The following VEPH1 variants were observed in gnomAD, a reference collection of about 807,000 sequenced individuals.
The protein encoded by VEPH1 is ventricular zone expressed PH domain containing 1.
VEPH1 carries 80 observed loss-of-function variants against 85.2 expected under a neutral mutation model. That is an observed-to-expected ratio of 0.94 (90% confidence interval 0.78 to 1.13). The LOEUF (loss-of-function observed/expected upper bound fraction) is 1.13, where lower values mean the gene tolerates loss of function less well. Ranked by LOEUF, VEPH1 falls within the 50% of genes most tolerant of loss-of-function variation. The pLI is 0.00. For missense variants in VEPH1, 955 were observed against 980.5 expected, an observed-to-expected ratio of 0.97 and a Z score of 0.35; for synonymous variants, 297 against 348.0, an observed-to-expected ratio of 0.85 and a Z score of 1.63.
intron 9 of VEPH1, among the ~76,000 whole-genome samples, chr3:157,322,120 C>G (rs551186894): frequency 6.6e-6 from 1 of 152,250 alleles, no homozygotes; most frequent in South Asian, 2.1e-4. Flanking sequence ...CCATCTTCCT[C>G]TCCCCTGAGC....
rs529253395 is a variant in VEPH1, at chr3:157,417,636, G to T, written c.697-3546C>A. Among the ~76,000 whole-genome samples, 7 of 152,216 alleles carry T rather than the reference G, an allele frequency of 4.6e-5. No individual in the cohort carries two copies. In the East Asian group the frequency reaches 1.4e-3, roughly 29 times the overall value. ...CTCTTCCCCCATGACCCAGCTACAT[G>T]GCACTGATCACTCACAGTGGCTTGA... On this transcript the variant is annotated intron_variant, in intron 5 of 13. Transcript: ENST00000362010.
intron 6 of VEPH1, chr3:157,410,043 T>C (rs1731417902): frequency 3.0e-6 from 2 of 673,520 alleles, no homozygotes; most frequent in South Asian, 6.7e-5. Context: ...CAAAGTTGGA[T>C]TGGCTTTTCT....
rs758021550 is a variant in VEPH1 at position 157,313,673 on chromosome 3, C to A, written c.1958G>T (p.Gly653Val). 6.2e-7 allele frequency: 1 copy of A among 1,614,092 alleles called. No homozygotes were observed. Among genetic ancestry groups the A allele is most frequent in the South Asian group, 1.1e-5 (1 of 91,076 alleles). The change falls in exon 11 of 14, where the codon GGT becomes GTT. Residue 653 changes from glycine to valine, a missense_variant. Gly to Val is a moderately radical substitution (Grantham distance 109). Coordinates refer to ENST00000362010, the MANE Select transcript of VEPH1 (RefSeq NM_001167912.2). ...CATGGCAGTTTCAAAGCTGTGAGCA[C>A]CCCCTGCCTGGGTCTTCTCCCACAG... ...RALWEKTQAG[G>V]AHSFETAMME...
intron 11 of VEPH1, among the ~76,000 whole-genome samples, chr3:157,293,421 C>G (rs1219911825): frequency 9.9e-5 from 15 of 152,222 alleles, no homozygotes; most frequent in Admixed American, 9.8e-4. Context: ...ACTTATACTT[C>G]TATCCTTTGA....
intron 3 of VEPH1, among the ~76,000 whole-genome samples, chr3:157,461,243 A>C (rs981155250): frequency 1.3e-5 from 2 of 152,252 alleles, no homozygotes; most frequent in African/African-American, 4.8e-5. Flanking sequence ...TAGAAAATAC[A>C]AATTGCTTTC....
At chr3:157,297,479 T>G (rs544389998) in intron 11 of VEPH1, among the ~76,000 whole-genome samples, 31 of 152,032 alleles carry the variant, frequency 2.0e-4, no homozygotes, top group Non-Finnish European at 3.2e-4. Context: ...AAAATGTGCA[T>G]GGGTAATGGT....
At position 157,495,872 on chromosome 3, in the gene VEPH1, GAAC is replaced by G. The variant is rs1179554566; in HGVS notation, c.-157-369_-157-367del. 5.3e-5 allele frequency among the ~76,000 whole-genome samples: 8 copies of G among 152,282 alleles called. No homozygotes were observed. The East Asian group carries it at 1.5e-3, about 29-fold the overall frequency. ...CTCATGGGAATCAAACAGAAAGGGA[GAAC>G]AAAAGGAAAAGAGGGAGCATAGGAA... is the stretch of plus-strand genomic sequence containing the variant. On this transcript the variant is annotated intron_variant, in intron 1 of 13. Coordinates refer to ENST00000362010, the MANE Select transcript of VEPH1 (RefSeq NM_001167912.2).
chr3:157,370,066 C>A lies in VEPH1; in HGVS notation c.1128-5554G>T, dbSNP rs371088534. 7.9e-5 allele frequency among the ~76,000 whole-genome samples: 12 copies of A among 152,208 alleles called. No individual in the cohort carries two copies. In the East Asian group the frequency reaches 1.2e-3, roughly 15 times the overall value. On this transcript the variant is annotated intron_variant, in intron 7 of 13. Transcript: ENST00000362010. ...ATATTAACTTGGCCTTAACTCAACA[C>A]ACCACATTACAAGAGGTTCAGATAA...
chr3:157,439,010 A>G (rs1733904205), intron 4 of VEPH1, among the ~76,000 whole-genome samples: 1 of 152,224 alleles, frequency 6.6e-6, no homozygotes, highest in African/African-American at 2.4e-5. Context: ...TAATGAGAGC[A>G]TGTTTCATTT....
intron 6 of VEPH1, among the ~76,000 whole-genome samples, chr3:157,411,536 C>A (rs962013691): frequency 2.0e-5 from 3 of 152,092 alleles, no homozygotes; most frequent in Non-Finnish European, 4.4e-5. Flanking sequence ...GGCACAGGTT[C>A]CCGTAAATCC....
chr3:157,270,533 A>C (rs1714406933), intron 12 of VEPH1, among the ~76,000 whole-genome samples: 2 of 152,298 alleles, frequency 1.3e-5, no homozygotes, highest in South Asian at 4.1e-4. Context: ...CAAGTTAAAA[A>C]TATTTGTTGC....
chr3:157,438,845 A>G (rs1458190628), intron 4 of VEPH1, among the ~76,000 whole-genome samples: 1 of 152,250 alleles, frequency 6.6e-6, no homozygotes, highest in Non-Finnish European at 1.5e-5. Context: ...TGGTGTGACA[A>G]TCATTTTGGA....
chr3:157,358,890 G>A (rs1725741031), intron 9 of VEPH1, among the ~76,000 whole-genome samples: 1 of 152,124 alleles, frequency 6.6e-6, no homozygotes, highest in Non-Finnish European at 1.5e-5. Flanking sequence ...CAGCTACTCG[G>A]GAGGCTGAGG....
chr3:157,469,558 C>A (rs527880119), intron 3 of VEPH1, among the ~76,000 whole-genome samples: 1 of 152,224 alleles, frequency 6.6e-6, no homozygotes, highest in East Asian at 1.9e-4. Context: ...CTTTACAGAA[C>A]CTTTAGTATG....
At chr3:157,500,962 T>C (rs1221205383) in intron 1 of VEPH1, among the ~76,000 whole-genome samples, 4 of 152,136 alleles carry the variant, frequency 2.6e-5, no homozygotes, top group African/African-American at 9.7e-5. Flanking sequence ...AAGGAGATGA[T>C]ATAAAACATT....
At chr3:157,394,127 A>G (rs1577551747) in intron 6 of VEPH1, among the ~76,000 whole-genome samples, 1 of 152,368 alleles carries the variant, frequency 6.6e-6, no homozygotes, top group East Asian at 1.9e-4. Flanking sequence ...TTCTTACTGC[A>G]TGCAAAGTAG....
intron 5 of VEPH1, among the ~76,000 whole-genome samples, chr3:157,423,613 C>G (rs1342283709): frequency 1.3e-5 from 2 of 152,228 alleles, no homozygotes; most frequent in Non-Finnish European, 2.9e-5. Flanking sequence ...GACTTCATGG[C>G]ATCTATTTTC....
intron 6 of VEPH1, among the ~76,000 whole-genome samples, chr3:157,403,321 T>A (rs1467302078): frequency 6.6e-6 from 1 of 152,182 alleles, no homozygotes; most frequent in Non-Finnish European, 1.5e-5. Context: ...ACCTGTGATA[T>A]TCCGTGTAAA....
chr3:157,460,952 G>C (rs1272556316), intron 3 of VEPH1, among the ~76,000 whole-genome samples: 1 of 152,070 alleles, frequency 6.6e-6, no homozygotes, highest in Non-Finnish European at 1.5e-5. Flanking sequence ...TAGGGTAATC[G>C]GGGGCCACTG....
Sources: allele counts gnomAD v4.1 joint callset (sites outside exome capture counted in the v4.1 genomes callset), GRCh38; gene constraint gnomAD v4.1.1; transcripts MANE v1.5; gene names NCBI Gene and HGNC (gene_info 2026-07-23, HGNC 2026-07-21).